The following KCNQ3 variants were observed in gnomAD, a reference collection of about 807,000 sequenced individuals.
KCNQ3 encodes potassium voltage-gated channel subfamily Q member 3, also known as potassium voltage-gated channel subfamily KQT member 3.
In KCNQ3, 30 loss-of-function variants were observed where a neutral mutation model predicts 92.5. The ratio of observed to expected loss-of-function variants is 0.32; its 90% CI spans 0.24 to 0.44. The LOEUF (loss-of-function observed/expected upper bound fraction) is 0.44. Ranked by LOEUF, KCNQ3 falls within the 20% of genes least tolerant of loss-of-function variation. The pLI is 1.00. For missense variants in KCNQ3, 913 were observed against 1,140.3 expected (o/e 0.80, Z 2.87); for synonymous variants, 450 against 468.8 (o/e 0.96, Z 0.52).
intron 1 of KCNQ3, among the ~76,000 whole-genome samples, chr8:132,191,158 T>C (rs143631064): frequency 3.3e-4 from 50 of 152,318 alleles, no homozygotes; most frequent in African/African-American, 1.2e-3. Flanking sequence ...AGAAGATTTT[T>C]TTTAAAGATA....
At chr8:132,400,481 G>A (rs1469205442) in intron 1 of KCNQ3, among the ~76,000 whole-genome samples, 3 of 152,220 alleles carry the variant, frequency 2.0e-5, no homozygotes, top group African/African-American at 4.8e-5. Flanking sequence ...GCTGTGGGAT[G>A]AGGCTTGTCT....
intron 1 of KCNQ3, among the ~76,000 whole-genome samples, chr8:132,286,149 T>A (rs1816674332): frequency 6.6e-6 from 1 of 152,078 alleles, no homozygotes; most frequent in Admixed American, 6.5e-5. Context: ...CCAATGGAAA[T>A]GTAAGGTTGG....
Position 132,129,099 on chromosome 8 carries a change from G to T in KCNQ3, c.*163C>A. 1.4e-6 allele frequency: 1 copy of T among 705,900 alleles called. No individual in the cohort carries two copies. The highest frequency in any genetic ancestry group is 2.4e-6 in the Non-Finnish European group (1 of 417,160). 43.7% of individuals were successfully genotyped at this position (705,900 alleles called of 1,614,324 possible). A position where few individuals can be genotyped will look rare whatever the true frequency, so the allele number is the denominator to read the frequency against. ...AAGCACTTTGTTGTGGTGACATGGG[G>T]AGGAAGAGGCTGTGGGAAGCCCCTG... On this transcript the variant is annotated 3_prime_UTR_variant, in exon 15 of 15. Coordinates refer to ENST00000388996, the MANE Select transcript of KCNQ3 (RefSeq NM_004519.4). This position sits in a 1 kb window ranked among gnomAD's most constrained non-coding sequence, Gnocchi z 5.9.
intron 1 of KCNQ3, among the ~76,000 whole-genome samples, chr8:132,262,866 T>C (rs1311868352): frequency 6.6e-6 from 1 of 152,206 alleles, no homozygotes; most frequent in African/African-American, 2.4e-5. Context: ...CACCATTTAC[T>C]GAGTTCTTAC....
chr8:132,131,272 G>T (rs1824867547), intron 14 of KCNQ3, among the ~76,000 whole-genome samples: 1 of 152,176 alleles, frequency 6.6e-6, no homozygotes, highest in South Asian at 2.1e-4. Context: ...TAAAACAAAA[G>T]GATTACTATG....
chr8:132,190,217 T>C (rs769700340), intron 1 of KCNQ3, among the ~76,000 whole-genome samples: 52 of 152,260 alleles, frequency 3.4e-4, no homozygotes, highest in Non-Finnish European at 6.2e-4. Flanking sequence ...AGATTCAAGT[T>C]GTGTGTATGG....
intron 1 of KCNQ3, among the ~76,000 whole-genome samples, chr8:132,349,733 G>C (rs1458614064): frequency 2.6e-5 from 4 of 152,204 alleles, no homozygotes; most frequent in Non-Finnish European, 5.9e-5. Flanking sequence ...GCCCAGCCTT[G>C]TTTAAGCAGC....
intron 9 of KCNQ3, among the ~76,000 whole-genome samples, chr8:132,162,594 C>T (rs987430848): frequency 6.6e-6 from 1 of 152,208 alleles, no homozygotes; most frequent in Non-Finnish European, 1.5e-5. Context: ...TTACGATCTC[C>T]TCAAAGGCCC....
intron 1 of KCNQ3, among the ~76,000 whole-genome samples, chr8:132,416,505 A>G (rs932325782): frequency 6.6e-6 from 1 of 152,118 alleles, no homozygotes; most frequent in African/African-American, 2.4e-5. Flanking sequence ...CCATAATCCC[A>G]GCTACTCAGG....
intron 1 of KCNQ3, among the ~76,000 whole-genome samples, chr8:132,310,750 G>T (rs1170887052): frequency 6.6e-5 from 10 of 152,198 alleles, no homozygotes; most frequent in Admixed American, 6.5e-4. Flanking sequence ...TGTGAGCTGA[G>T]TGGTCTCTGT....
At chr8:132,284,395 C>T (rs892888056) in intron 1 of KCNQ3, among the ~76,000 whole-genome samples, 3 of 152,058 alleles carry the variant, frequency 2.0e-5, no homozygotes, top group African/African-American at 7.3e-5. Flanking sequence ...TTGTTAAAAC[C>T]CACTATGTGT....
chr8:132,240,001 T>C (rs1304651198), intron 1 of KCNQ3, among the ~76,000 whole-genome samples: 1 of 152,136 alleles, frequency 6.6e-6, no homozygotes, highest in South Asian at 2.1e-4. Flanking sequence ...CTGCTACCTA[T>C]TTTATTACCC....
At chr8:132,148,417 G>A (rs1340878177) in intron 9 of KCNQ3, among the ~76,000 whole-genome samples, 1 of 152,150 alleles carries the variant, frequency 6.6e-6, no homozygotes, top group Non-Finnish European at 1.5e-5. Flanking sequence ...TTGTATTTTA[G>A]TAGAGACGGG....
intron 1 of KCNQ3, among the ~76,000 whole-genome samples, chr8:132,281,210 C>T (rs955373423): frequency 9.9e-5 from 15 of 152,136 alleles, no homozygotes; most frequent in African/African-American, 3.6e-4. Context: ...TGGCACTATA[C>T]GACTAATACC....
chr8:132,288,391 C>A (rs1026350886), intron 1 of KCNQ3, among the ~76,000 whole-genome samples: 1 of 152,176 alleles, frequency 6.6e-6, no homozygotes, highest in Non-Finnish European at 1.5e-5. Context: ...TTGTAAAAGT[C>A]ATTTCTCAAT....
At chr8:132,196,182 T>G (rs887123395) in intron 1 of KCNQ3, among the ~76,000 whole-genome samples, 2 of 152,190 alleles carry the variant, frequency 1.3e-5, no homozygotes, top group African/African-American at 4.8e-5. Flanking sequence ...TCCAAATGAC[T>G]CCTCCTTTCT....
At chr8:132,313,637 T>C (rs1817660009) in intron 1 of KCNQ3, among the ~76,000 whole-genome samples, 2 of 152,222 alleles carry the variant, frequency 1.3e-5, no homozygotes, top group African/African-American at 4.8e-5. Context: ...TGAGGAAATA[T>C]CTTACTTCTG....
intron 1 of KCNQ3, among the ~76,000 whole-genome samples, chr8:132,226,639 A>G (rs1016417781): frequency 6.6e-6 from 1 of 152,210 alleles, no homozygotes; most frequent in African/African-American, 2.4e-5. Context: ...TTGCAGAAGT[A>G]TGAAGAAAGG....
rs372918132 is a variant in KCNQ3, at chr8:132,480,138, G to A, written c.386+9C>T. The A allele has an allele frequency of 6.2e-7, 1 of 1,610,454 alleles. No individual in the cohort carries two copies. Among genetic ancestry groups the A allele is most frequent in the Middle Eastern group, 1.7e-4 (1 of 5,984 alleles). Reference sequence around the variant, plus strand: ...CCGCCGAGGGCGCCCCGAGCGGCCGGGTACTCACACCAACGCGTGGTAAAG... The same window carrying A: ...CCGCCGAGGGCGCCCCGAGCGGCCGAGTACTCACACCAACGCGTGGTAAAG... On this transcript the variant is annotated intron_variant, in intron 1 of 14. Transcript: ENST00000388996.
Sources: gnomAD v4.1 joint callset for allele counts (sites outside exome capture counted in the v4.1 genomes callset) on GRCh38, gnomAD v4.1.1 for gene constraint, Gnocchi (gnomAD v3.1) non-coding constraint, MANE v1.5 for transcripts, NCBI Gene and HGNC (gene_info 2026-07-23, HGNC 2026-07-21) for gene names.